EMG1: variants seen among roughly 807,000 people sequenced by gnomAD.
The protein encoded by EMG1 is EMG1 N1-specific pseudouridine methyltransferase.
Under a neutral mutation model 26.9 loss-of-function variants are expected in EMG1, and 24 were observed. The observed-to-expected ratio is 0.89, with a 90% CI of 0.65 to 1.26. The LOEUF (loss-of-function observed/expected upper bound fraction) is 1.26, where lower values mean the gene tolerates loss of function less well. Among genes scored for constraint, EMG1 ranks in the 50% most tolerant of loss-of-function variants. EMG1 has a pLI of 0.00. For missense variants in EMG1, 299 were observed against 307.6 expected, an observed-to-expected ratio of 0.97 and a Z score of 0.21; for synonymous variants, 140 against 112.6, an observed-to-expected ratio of 1.24 and a Z score of -1.54.
rs1946642579 is a variant in EMG1 at position 6,997,036 on chromosome 12, TAGG to T, written c.*212-186_*212-184del. Among the ~76,000 whole-genome samples, 8 of 152,120 alleles carry T rather than the reference TAGG, an allele frequency of 5.3e-5. No homozygotes were observed. The South Asian group carries it at 6.2e-4, about 12-fold the overall frequency. ...AAAAAAAAAATCAATTGACTAGGTG[TAGG>T]AGAAGGAAAAGGACAAATTAAAGAT... On this transcript the variant is annotated intron_variant and NMD_transcript_variant, in intron 7 of 7. Coordinates refer to the EMG1 transcript ENST00000607161.
intron 6 of EMG1, among the ~76,000 whole-genome samples, chr12:6,986,768 G>T (rs1175955671): frequency 3.0e-5 from 4 of 134,230 alleles, no homozygotes; most frequent in Non-Finnish European, 6.1e-5. Context: ...CTGCACTCCA[G>T]CCTGGTGACA....
rs1946398493 is a variant in EMG1, at chr12:6,976,262, ACCCCTCTCCACC to A, written c.*458_*469del. 6.5e-6 allele frequency: 1 copy of A among 154,318 alleles called. No individual in the cohort carries two copies. 9.6% of individuals were successfully genotyped at this position (154,318 alleles called of 1,614,324 possible). A position where few individuals can be genotyped will look rare whatever the true frequency, so the allele number is the denominator to read the frequency against. ...AAAAGTGGAGCAGGCAGGGCCTTGC[ACCCCTCTCCACC>A]CCCCCATGGGGGGGGTGGTGGTAGC... On this transcript the variant is annotated 3_prime_UTR_variant, in exon 6 of 6. Coordinates refer to ENST00000599672, the MANE Select transcript of EMG1 (RefSeq NM_006331.8).
chr12:6,990,447 T>C (rs1342642433), downstream of EMG1, among the ~76,000 whole-genome samples: 1 of 150,146 alleles, frequency 6.7e-6, no homozygotes, highest in Non-Finnish European at 1.5e-5. Flanking sequence ...AGGCAGAGCT[T>C]GCAGTGAGCC....
chr12:6,980,931 GC>G (rs371928918), downstream of EMG1: 10 of 1,410,190 alleles, frequency 7.1e-6, no homozygotes, highest in East Asian at 4.7e-5. Flanking sequence ...GCTGGAGAAT[GC>G]AGCTTTCAGA....
Position 6,977,279 on chromosome 12 carries a change from C to T in EMG1, c.*1470C>T. The T allele has an allele frequency of 1.2e-6, 2 of 1,611,456 alleles. No individual in the cohort carries two copies. Among genetic ancestry groups the T allele is most frequent in the Admixed American group, 1.7e-5 (1 of 60,016 alleles). On this transcript the variant is annotated 3_prime_UTR_variant, in exon 6 of 6. Transcript: ENST00000599672. This position sits in a 1 kb window ranked among gnomAD's most constrained non-coding sequence, Gnocchi z 4.5. ...TTTATACACCTGTGGAGAGAGAGGC[C>T]ACTAAGGTAGACAGGCCTGGAGTGT... is the stretch of plus-strand genomic sequence containing the variant.
chr12:6,993,797 A>G (rs1411450878), intron 7 of EMG1, among the ~76,000 whole-genome samples: 10 of 152,168 alleles, frequency 6.6e-5, no homozygotes, highest in Non-Finnish European at 1.3e-4. Context: ...AATTTTTTAT[A>G]GACAAGGTCT....
rs1210080293 is a variant in EMG1 at position 6,978,780 on chromosome 12, CT to C, written c.*2973del. On this transcript the variant is annotated 3_prime_UTR_variant, in exon 6 of 6. Coordinates refer to ENST00000599672, the MANE Select transcript of EMG1 (RefSeq NM_006331.8). ...TCCTTTTCACACTTGTGGCTGGCTA[CT>C]TCATACCTGCCTGAGTCCTGCTGCC... The C allele has an allele frequency of 6.5e-7, 1 of 1,548,912 alleles. No individual in the cohort carries two copies. The highest frequency in any genetic ancestry group is 2.3e-5 in the East Asian group (1 of 43,154).
chr12:6,978,743 T>C lies in EMG1; in HGVS notation c.*2934T>C. On this transcript the variant is annotated 3_prime_UTR_variant, in exon 6 of 6. Coordinates refer to ENST00000599672, the MANE Select transcript of EMG1 (RefSeq NM_006331.8). ...GGATATCACATGACTAGGCAGTTTC[T>C]CTCAGCACTCTTCCTTTTCACACTT... is the stretch of plus-strand genomic sequence containing the variant. 1 of 1,599,540 alleles carries C rather than the reference T, an allele frequency of 6.3e-7. No homozygotes were observed. Among genetic ancestry groups the C allele is most frequent in the Non-Finnish European group, 8.5e-7 (1 of 1,172,134 alleles).
rs782347362 is a variant in EMG1, at chr12:6,979,279, G to A, written c.*3470G>A. ...GTGCACCTGGCACAGCCCTGTGCCC[G>A]CGAAGGTTGTTCAGTGCTGGCTGAT... On this transcript the variant is annotated 3_prime_UTR_variant, in exon 6 of 6. Transcript: ENST00000599672. 5.7e-5 allele frequency: 34 copies of A among 596,098 alleles called. No individual in the cohort carries two copies. Among genetic ancestry groups the A allele is most frequent in the Non-Finnish European group, 7.2e-5 (24 of 334,828 alleles). 36.9% of individuals were successfully genotyped at this position (596,098 alleles called of 1,614,324 possible).
intron 1 of EMG1, 98 bp downstream of exon 1, chr12:6,971,189 G>C: frequency 9.8e-7 from 1 of 1,022,816 alleles, no homozygotes; most frequent in South Asian, 1.4e-5. Flanking sequence ...AAGCAGAGAG[G>C]GGTGAAAGAT....
At chr12:6,981,974 C>T (rs1946476221), downstream of EMG1, 2 of 850,636 alleles carry the variant, frequency 2.4e-6, no homozygotes, top group Non-Finnish European at 4.0e-6. Flanking sequence ...ATTCAATGTT[C>T]TCTTTCCTTT....
downstream of EMG1, among the ~76,000 whole-genome samples, chr12:6,990,916 CAAAA>C (rs59031613): frequency 2.9e-5 from 2 of 68,134 alleles, no homozygotes; most frequent in South Asian, 5.6e-4. Flanking sequence ...GACTCCAAAT[CAAAA>C]AAAAAAAAAA....
intron 7 of EMG1, among the ~76,000 whole-genome samples, chr12:6,993,553 C>A (rs1946608435): frequency 6.6e-6 from 1 of 152,152 alleles, no homozygotes; most frequent in Non-Finnish European, 1.5e-5. Context: ...TCTCTCTTAA[C>A]TCCCAGAGCC....
At chr12:6,983,641 GA>G (rs1390536288), downstream of EMG1, 311 of 578,858 alleles carry the variant, frequency 5.4e-4, no homozygotes, top group Middle Eastern at 8.6e-4. Flanking sequence ...GAGGGAGAGA[GA>G]AAAAAAAAAC....
intron 7 of EMG1, among the ~76,000 whole-genome samples, chr12:6,996,036 A>G (rs1167244587): frequency 6.6e-6 from 1 of 152,160 alleles, no homozygotes; most frequent in Non-Finnish European, 1.5e-5. Context: ...TCCTCTGCTC[A>G]AAGCCCTCTC....
chr12:6,979,245 G>T lies in EMG1; in HGVS notation c.*3436G>T. The T allele has an allele frequency of 1.8e-6, 1 of 569,998 alleles. No individual in the cohort carries two copies. The highest frequency in any genetic ancestry group is 2.1e-5 in the South Asian group (1 of 46,720). 35.3% of individuals were successfully genotyped at this position (569,998 alleles called of 1,614,324 possible). On this transcript the variant is annotated 3_prime_UTR_variant, in exon 6 of 6. Transcript: ENST00000599672. ...GAGCGGCTCCTAGAGAAGGCAACGG[G>T]TGCTAAATGTGCACCTGGCACAGCC...
In EMG1 at chr12:6,971,019, A is replaced by G; in HGVS notation, c.96A>G (p.Leu32=). 1 of 1,611,640 alleles carries G rather than the reference A, an allele frequency of 6.2e-7. No individual in the cohort carries two copies. The highest frequency in any genetic ancestry group is 8.5e-7 in the Non-Finnish European group (1 of 1,178,694). Residue 32 remains leucine (L), a synonymous_variant, in exon 1 of 6, where the codon CTA becomes CTG. Transcript: ENST00000599672. ...CTCTGCCACCCAAGCGGCCCCGACT[A>G]GGGGCAGGAAACAAGATCGGAGGCC... ...WDALPPKRPR[L]GAGNKIGGRR... is the part of the protein sequence containing the mutation.
At chr12:6,982,791 A>C (rs781894691), downstream of EMG1, 1 of 1,586,586 alleles carries the variant, frequency 6.3e-7, no homozygotes, top group Non-Finnish European at 8.7e-7. Context: ...TCCTGGATGC[A>C]AGAAGAGAGA....
At position 6,977,026 on chromosome 12, in the gene EMG1, G is replaced by C. The variant is rs1235932658; in HGVS notation, c.*1217G>C. Reference sequence around the variant, plus strand: ...CCCATACTGTGTTCCTTAGTAGCCAGGCTAATCCTTGGAATTCACCCCAGA... The same window carrying C: ...CCCATACTGTGTTCCTTAGTAGCCACGCTAATCCTTGGAATTCACCCCAGA... On this transcript the variant is annotated 3_prime_UTR_variant, in exon 6 of 6. Coordinates refer to ENST00000599672, the MANE Select transcript of EMG1 (RefSeq NM_006331.8). The surrounding 1 kb of genome is among the most constrained non-coding windows in gnomAD (Gnocchi z 4.5). The C allele has an allele frequency of 8.0e-6, 6 of 745,378 alleles. No homozygotes were observed. The highest frequency in any genetic ancestry group is 1.9e-5 in the Admixed American group (1 of 52,054). 46.2% of individuals were successfully genotyped at this position (745,378 alleles called of 1,614,324 possible). A position where few individuals can be genotyped will look rare whatever the true frequency, so the allele number is the denominator to read the frequency against.
Sources: allele counts gnomAD v4.1 joint callset (sites outside exome capture counted in the v4.1 genomes callset), GRCh38; gene constraint gnomAD v4.1.1; non-coding constraint Gnocchi (gnomAD v3.1); transcripts MANE v1.5; gene names NCBI Gene and HGNC (gene_info 2026-07-23, HGNC 2026-07-21).